The following LDB2 variants were observed in gnomAD, a reference collection of about 807,000 sequenced individuals.
LDB2 encodes LIM domain-binding protein 2.
In LDB2, 12 loss-of-function variants were observed where a neutral mutation model predicts 44.3. The observed-to-expected ratio is 0.27, with a 90% CI of 0.17 to 0.44. LDB2 has a LOEUF of 0.44. Among genes scored for constraint, LDB2 ranks in the 20% least tolerant of loss-of-function variants. The pLI, the probability that LDB2 is intolerant of heterozygous loss-of-function variation, is 1.00. For synonymous variants in LDB2, 164 were observed against 174.8 expected, an observed-to-expected ratio of 0.94 and a Z score of 0.49; for missense variants, 344 against 473.5, an observed-to-expected ratio of 0.73 and a Z score of 2.54.
rs1039344037 is a variant in LDB2 at position 16,502,263 on chromosome 4, T to A, written c.*380A>T. 5.5e-6 allele frequency: 1 copy of A among 180,990 alleles called. No homozygotes were observed. Among genetic ancestry groups the A allele is most frequent in the African/African-American group, 2.3e-5 (1 of 42,798 alleles). 11.2% of individuals were successfully genotyped at this position (180,990 alleles called of 1,614,324 possible). On this transcript the variant is annotated 3_prime_UTR_variant, in exon 8 of 8. Transcript: ENST00000304523. Reference sequence around the variant, plus strand: ...AAGTCATCTGTAGTTAGGTTCGGCATATTAATGAGATCCTGAGCACTGAGC... The same window carrying A: ...AAGTCATCTGTAGTTAGGTTCGGCAAATTAATGAGATCCTGAGCACTGAGC...
intron 2 of LDB2, among the ~76,000 whole-genome samples, chr4:16,653,446 C>T (rs769106146): frequency 6.6e-6 from 1 of 152,086 alleles, no homozygotes; most frequent in Non-Finnish European, 1.5e-5. Flanking sequence ...TTCCTGTAAA[C>T]GAAGTTCTGA....
intron 2 of LDB2, among the ~76,000 whole-genome samples, chr4:16,708,828 C>T (rs1397767773): frequency 6.6e-6 from 1 of 152,236 alleles, no homozygotes; most frequent in South Asian, 2.1e-4. Context: ...CCAACACCTG[C>T]TTTTCTCCTC....
At chr4:16,858,026 C>T (rs1170365705) in intron 1 of LDB2, among the ~76,000 whole-genome samples, 4 of 152,086 alleles carry the variant, frequency 2.6e-5, no homozygotes, top group Non-Finnish European at 5.9e-5. Context: ...AATACTGTCC[C>T]TCACAAGATT....
intron 1 of LDB2, among the ~76,000 whole-genome samples, chr4:16,870,255 C>T (rs1224863863): frequency 6.6e-6 from 1 of 152,120 alleles, no homozygotes; most frequent in Non-Finnish European, 1.5e-5. Flanking sequence ...CAGTAGGCAA[C>T]AGGACTCGCT....
chr4:16,666,603 G>A (rs1412736459), intron 2 of LDB2, among the ~76,000 whole-genome samples: 1 of 152,204 alleles, frequency 6.6e-6, no homozygotes, highest in African/African-American at 2.4e-5. Context: ...TCTACTGCAT[G>A]GATGTCCATA....
At chr4:16,743,575 G>A (rs1001860227) in intron 2 of LDB2, among the ~76,000 whole-genome samples, 1 of 152,046 alleles carries the variant, frequency 6.6e-6, no homozygotes, top group Non-Finnish European at 1.5e-5. Flanking sequence ...AGCACTTAAC[G>A]TTGGAGAGTT....
intron 5 of LDB2, among the ~76,000 whole-genome samples, chr4:16,556,277 A>G (rs977662948): frequency 1.1e-4 from 16 of 152,244 alleles, no homozygotes; most frequent in Non-Finnish European, 4.4e-5. Context: ...AGCACCTAGC[A>G]CCAAGTCTGG....
chr4:16,823,919 T>C (rs929315814), intron 1 of LDB2, among the ~76,000 whole-genome samples: 1 of 152,234 alleles, frequency 6.6e-6, no homozygotes, highest in Non-Finnish European at 1.5e-5. Context: ...ACCAGCTGGT[T>C]GATAAAGGCT....
At chr4:16,528,682 C>G (rs2152295847) in intron 5 of LDB2, among the ~76,000 whole-genome samples, 1 of 152,266 alleles carries the variant, frequency 6.6e-6, no homozygotes, top group Non-Finnish European at 1.5e-5. Context: ...GCCACCAGAA[C>G]CAGTAAGGTA....
intron 1 of LDB2, among the ~76,000 whole-genome samples, chr4:16,872,992 A>G (rs1717163432): frequency 6.6e-6 from 1 of 152,204 alleles, no homozygotes; most frequent in Non-Finnish European, 1.5e-5. Flanking sequence ...GACAGGGGAA[A>G]GCAATCAGAT....
chr4:16,700,357 A>C (rs1753176615), intron 2 of LDB2, among the ~76,000 whole-genome samples: 1 of 152,162 alleles, frequency 6.6e-6, no homozygotes, highest in Admixed American at 6.5e-5. Context: ...CAAAAATATA[A>C]ATGTTTTAAA....
chr4:16,759,639 A>G (rs1042400513), intron 1 of LDB2, among the ~76,000 whole-genome samples: 6 of 152,154 alleles, frequency 3.9e-5, no homozygotes, highest in Non-Finnish European at 5.9e-5. Flanking sequence ...GTTCATTTTT[A>G]TAAATAGAAA....
chr4:16,557,124 T>A (rs1313301871), intron 5 of LDB2, among the ~76,000 whole-genome samples: 2 of 152,136 alleles, frequency 1.3e-5, no homozygotes, highest in African/African-American at 4.8e-5. Flanking sequence ...ACAGCGCCGG[T>A]CTATAGCTCC....
intron 5 of LDB2, among the ~76,000 whole-genome samples, chr4:16,581,720 T>C (rs1714541117): frequency 6.6e-6 from 1 of 152,018 alleles, no homozygotes; most frequent in African/African-American, 2.4e-5. Context: ...TCTCCTGTCT[T>C]CTAACAACCT....
At chr4:16,787,397 G>C (rs142983596) in intron 1 of LDB2, among the ~76,000 whole-genome samples, 1 of 152,154 alleles carries the variant, frequency 6.6e-6, no homozygotes, top group Admixed American at 6.5e-5. Context: ...CATATCACCC[G>C]AGGTCAGGAG....
intron 2 of LDB2, among the ~76,000 whole-genome samples, chr4:16,703,215 GGCA>G (rs1753873195): frequency 6.6e-6 from 1 of 152,192 alleles, no homozygotes; most frequent in African/African-American, 2.4e-5. Context: ...AGTAAGGGGA[GGCA>G]GCTATATGAA....
intron 1 of LDB2, 55 bp from the exon 2 acceptor site, chr4:16,759,315 A>G: frequency 7.7e-7 from 1 of 1,292,412 alleles, no homozygotes; most frequent in East Asian, 2.3e-5. Flanking sequence ...TATCTCAAAG[A>G]GGAAGAGAAA....
chr4:16,563,571 C>G (rs1424936146), intron 5 of LDB2, among the ~76,000 whole-genome samples: 1 of 150,532 alleles, frequency 6.6e-6, no homozygotes, highest in Non-Finnish European at 1.5e-5. Context: ...GCCTCAGCCT[C>G]CCGAGTAGCT....
At chr4:16,588,028 C>T (rs1030079403) in intron 4 of LDB2, among the ~76,000 whole-genome samples, 20 of 152,122 alleles carry the variant, frequency 1.3e-4, no homozygotes, top group Non-Finnish European at 2.2e-4. Context: ...ATGGAAGCAT[C>T]ATGTATTATA....
Sources: allele counts gnomAD v4.1 joint callset (sites outside exome capture counted in the v4.1 genomes callset), GRCh38; gene constraint gnomAD v4.1.1; transcripts MANE v1.5; gene names NCBI Gene and HGNC (gene_info 2026-07-23, HGNC 2026-07-21).